MALRD1: variants seen among roughly 807,000 people sequenced by gnomAD.
MALRD1 encodes MAM and LDL receptor class A domain containing 1, also known as MAM and LDL-receptor class A domain-containing protein 1.
Under a neutral mutation model 242.1 loss-of-function variants are expected in MALRD1, and 247 were observed. The observed-to-expected ratio is 1.02, with a 90% CI of 0.92 to 1.13. The LOEUF is 1.13. MALRD1 is among the 50% of genes most tolerant of loss of function. The probability of loss-of-function intolerance (pLI) is 0.00; values close to 1 mark genes in which losing one functional copy is unlikely to be tolerated. For missense variants in MALRD1, 2,989 were observed against 2,533.1 expected, an observed-to-expected ratio of 1.18 and a Z score of -3.86; for synonymous variants, 995 against 866.6, an observed-to-expected ratio of 1.15 and a Z score of -2.60.
chr10:19,086,393 A>C (rs1835669742), intron 2 of MALRD1, among the ~76,000 whole-genome samples: 1 of 152,062 alleles, frequency 6.6e-6, no homozygotes. Context: ...AAAGAGAAGC[A>C]CATGAAATAG....
intron 29 of MALRD1, among the ~76,000 whole-genome samples, chr10:19,471,359 G>A (rs908444625): frequency 2.0e-5 from 3 of 151,780 alleles, no homozygotes; most frequent in African/African-American, 7.3e-5. Flanking sequence ...TTTGAAATCA[G>A]GAAATATGAT....
intron 2 of MALRD1, among the ~76,000 whole-genome samples, chr10:19,078,815 G>A (rs1835397092): frequency 6.6e-6 from 1 of 151,606 alleles, no homozygotes; most frequent in Admixed American, 6.6e-5. Flanking sequence ...ATTATTCATA[G>A]TATTCCCTTG....
chr10:19,490,936 G>T, intron 29 of MALRD1: 1 of 175,086 alleles, frequency 5.7e-6, no homozygotes. Context: ...TTGCCCCATG[G>T]GAGTCAGGAA....
At chr10:19,485,772 A>G (rs910180696) in intron 29 of MALRD1, among the ~76,000 whole-genome samples, 2 of 152,170 alleles carry the variant, frequency 1.3e-5, no homozygotes, top group East Asian at 1.9e-4. Context: ...TTTATACCCA[A>G]TAATGGCATG....
chr10:19,047,963 T>C (rs1025881517), upstream of MALRD1, among the ~76,000 whole-genome samples: 6 of 152,170 alleles, frequency 3.9e-5, no homozygotes, highest in East Asian at 3.8e-4. Context: ...AAATCAAATA[T>C]AAAGCAATGT....
Position 19,531,318 on chromosome 10 carries a change from C to T in MALRD1, c.5445C>T (p.Tyr1815=), listed in dbSNP as rs936769659. Residue 1815 remains tyrosine (Y), a synonymous_variant, in exon 32 of 40, where the codon TAC becomes TAT. Coordinates refer to ENST00000454679, the MANE Select transcript of MALRD1 (RefSeq NM_001142308.3). ...TGTGTACTGTTCGGTTCTGGTTCTACATGATTGATCCCAGGAGTATGGGAA... is the reference window on the plus strand; with the variant it reads ...TGTGTACTGTTCGGTTCTGGTTCTATATGATTGATCCCAGGAGTATGGGAA... The part of the protein sequence containing the change: ...LGMCTVRFWF[Y]MIDPRSMGIL... The T allele has an allele frequency of 1.9e-6, 3 of 1,548,640 alleles. No homozygotes were observed. The African/African-American group carries it at 4.1e-5, about 21-fold the overall frequency.
At chr10:19,181,131 C>T (rs1835485145) in intron 14 of MALRD1, among the ~76,000 whole-genome samples, 1 of 152,066 alleles carries the variant, frequency 6.6e-6, no homozygotes, top group Admixed American at 6.6e-5. Flanking sequence ...ATTGTGCAGC[C>T]ATTATGGAAT....
At chr10:19,222,751 GT>G (rs200247200) in intron 18 of MALRD1, among the ~76,000 whole-genome samples, 1 of 151,688 alleles carries the variant, frequency 6.6e-6, no homozygotes, top group East Asian at 1.9e-4. Context: ...TTCTCTGCAA[GT>G]TTTTTTTTGT....
intron 14 of MALRD1, among the ~76,000 whole-genome samples, chr10:19,198,238 G>A (rs1836353950): frequency 6.6e-6 from 1 of 152,160 alleles, no homozygotes; most frequent in Non-Finnish European, 1.5e-5. Flanking sequence ...TGAGATTCCT[G>A]TGTCACAGAC....
At chr10:19,171,811 A>C (rs1834981750) in intron 13 of MALRD1, among the ~76,000 whole-genome samples, 1 of 143,312 alleles carries the variant, frequency 7.0e-6, no homozygotes, top group African/African-American at 2.5e-5. Context: ...TATATATATC[A>C]GTTTGGTTAT....
chr10:19,394,850 TCAGA>T (rs540354609), intron 28 of MALRD1, among the ~76,000 whole-genome samples: 76 of 152,344 alleles, frequency 5.0e-4, no homozygotes, highest in African/African-American at 1.7e-3. Flanking sequence ...AGAGTAGTAA[TCAGA>T]CAGGTTTTCA....
chr10:19,382,071 T>C (rs1845860991), intron 26 of MALRD1, among the ~76,000 whole-genome samples: 2 of 152,254 alleles, frequency 1.3e-5, no homozygotes, highest in South Asian at 4.1e-4. Context: ...GTTACTCCAG[T>C]CTATACCCTT....
In MALRD1 at chr10:19,283,078, G is replaced by C; in HGVS notation, c.3316G>C (p.Val1106Leu). 6.5e-7 allele frequency: 1 copy of C among 1,550,102 alleles called. No homozygotes were observed. The highest frequency in any genetic ancestry group is 8.7e-7 in the Non-Finnish European group (1 of 1,146,656). Reference protein sequence around the residue: ...SLCKWYQPIPVHLLQDSNTFR... With the variant: ...SLCKWYQPIPLHLLQDSNTFR... ...GTGTAAATGGTATCAACCAATCCCA[G>C]TACATTTGCTTCAAGATTCAAACAC... The change falls in exon 21 of 40, where the codon GTA (valine) becomes CTA (leucine). Residue 1106 changes from valine (V) to leucine (L), a missense_variant. Val to Leu is a conservative substitution (Grantham distance 32). Coordinates refer to ENST00000454679, the MANE Select transcript of MALRD1 (RefSeq NM_001142308.3).
chr10:19,255,053 C>T (rs909086708), intron 18 of MALRD1, among the ~76,000 whole-genome samples: 1 of 151,964 alleles, frequency 6.6e-6, no homozygotes, highest in African/African-American at 2.4e-5. Flanking sequence ...AAAGTTCCAA[C>T]GTGGTTACCA....
At chr10:19,243,450 C>T (rs749558754) in intron 18 of MALRD1, among the ~76,000 whole-genome samples, 1 of 152,036 alleles carries the variant, frequency 6.6e-6, no homozygotes, top group Admixed American at 6.6e-5. Flanking sequence ...AACCATCCAC[C>T]ATAGATTTTA....
At chr10:19,100,336 T>C (rs1388124880) in intron 4 of MALRD1, among the ~76,000 whole-genome samples, 1 of 152,166 alleles carries the variant, frequency 6.6e-6, no homozygotes, top group East Asian at 1.9e-4. Context: ...TCATCAGTTA[T>C]ACCAAGTTAA....
At chr10:19,349,551 A>C (rs1363150438) in intron 25 of MALRD1, among the ~76,000 whole-genome samples, 1 of 152,210 alleles carries the variant, frequency 6.6e-6, no homozygotes, top group Non-Finnish European at 1.5e-5. Flanking sequence ...GAATGAAAGT[A>C]AATCATACAA....
intron 31 of MALRD1, among the ~76,000 whole-genome samples, chr10:19,504,668 T>A (rs1165457109): frequency 1.2e-5 from 1 of 83,950 alleles, no homozygotes; most frequent in Non-Finnish European, 2.1e-5. Flanking sequence ...TAACACATTT[T>A]TTTTTTTTTT....
At chr10:19,667,927 G>A (rs1280535667) in intron 36 of MALRD1, among the ~76,000 whole-genome samples, 1 of 152,132 alleles carries the variant, frequency 6.6e-6, no homozygotes, top group South Asian at 2.1e-4. Context: ...GGCAGATTCA[G>A]TGTCTGTTGT....
Sources: allele counts gnomAD v4.1 joint callset (sites outside exome capture counted in the v4.1 genomes callset), GRCh38; gene constraint gnomAD v4.1.1; transcripts MANE v1.5; gene names NCBI Gene and HGNC (gene_info 2026-07-23, HGNC 2026-07-21).